The following SCARB1 variants were observed in gnomAD, a reference collection of about 807,000 sequenced individuals.
SCARB1 encodes scavenger receptor class B member 1.
SCARB1 carries 30 observed loss-of-function variants against 57.2 expected under a neutral mutation model. That is an observed-to-expected ratio of 0.52 (90% confidence interval 0.39 to 0.71). The LOEUF is 0.71. Ranked by LOEUF, SCARB1 falls within the 30% of genes least tolerant of loss-of-function variation. The pLI is 0.00. For synonymous variants in SCARB1, 249 were observed against 268.3 expected, an observed-to-expected ratio of 0.93 and a Z score of 0.70; for missense variants, 543 against 671.2, an observed-to-expected ratio of 0.81 and a Z score of 2.11.
intron 1 of SCARB1, among the ~76,000 whole-genome samples, chr12:124,830,819 T>G (rs1268317354): frequency 1.3e-5 from 2 of 152,050 alleles, no homozygotes; most frequent in Non-Finnish European, 2.9e-5. Context: ...CAAAAAAAAT[T>G]TTTTCTTTTT....
At chr12:124,788,153 G>A (rs1949588850) in intron 9 of SCARB1, among the ~76,000 whole-genome samples, 1 of 152,138 alleles carries the variant, frequency 6.6e-6, no homozygotes. Context: ...CATGGGCTGA[G>A]GGAACCAGTG....
At chr12:124,803,757 T>TAGAA (rs1950226447) in intron 7 of SCARB1, among the ~76,000 whole-genome samples, 1 of 148,778 alleles carries the variant, frequency 6.7e-6, no homozygotes, top group Admixed American at 6.7e-5. Context: ...TGGTGGTGTG[T>TAGAA]ACCTGTGCTC....
chr12:124,838,747 G>A (rs1285814718), intron 1 of SCARB1, among the ~76,000 whole-genome samples: 1 of 150,920 alleles, frequency 6.6e-6, no homozygotes, highest in African/African-American at 2.4e-5. Flanking sequence ...ATTTTAATTG[G>A]GGTAAACATA....
At chr12:124,826,819 C>G (rs1449335058) in intron 1 of SCARB1, among the ~76,000 whole-genome samples, 1 of 151,886 alleles carries the variant, frequency 6.6e-6, no homozygotes, top group Non-Finnish European at 1.5e-5. Context: ...AAGAAAGAAA[C>G]AATTGACATG....
intron 1 of SCARB1, among the ~76,000 whole-genome samples, chr12:124,825,289 T>G (rs796651656): frequency 2.0e-5 from 3 of 149,514 alleles, no homozygotes; most frequent in African/African-American, 7.4e-5. Context: ...ACCCACAATC[T>G]GATCACATCT....
intron 1 of SCARB1, chr12:124,821,657 C>T (rs567974441): frequency 1.2e-3 from 564 of 487,770 alleles, no homozygotes; most frequent in Admixed American, 1.7e-3. Flanking sequence ...ATACAATGGG[C>T]GTAAGGAGAG....
At chr12:124,827,175 G>A (rs1421992539) in intron 1 of SCARB1, among the ~76,000 whole-genome samples, 2 of 152,120 alleles carry the variant, frequency 1.3e-5, no homozygotes, top group African/African-American at 4.8e-5. Context: ...TTATTCGGCC[G>A]GGAGCATCGG....
At chr12:124,835,867 G>C (rs1951628877) in intron 1 of SCARB1, among the ~76,000 whole-genome samples, 3 of 152,230 alleles carry the variant, frequency 2.0e-5, no homozygotes, top group Non-Finnish European at 4.4e-5. Flanking sequence ...CAGCCCGCTG[G>C]AGCAAAGCAG....
chr12:124,794,123 C>G (rs906237897), intron 9 of SCARB1, among the ~76,000 whole-genome samples: 1 of 152,064 alleles, frequency 6.6e-6, no homozygotes, highest in Non-Finnish European at 1.5e-5. Flanking sequence ...AGTGGATGAA[C>G]GGTTGCCTGG....
At position 124,829,881 on chromosome 12, in the gene SCARB1, T is replaced by C. The variant is rs189733994; in HGVS notation, c.127-12174A>G. 2.5e-3 allele frequency among the ~76,000 whole-genome samples: 376 copies of C among 152,314 alleles called. 1 individual carries two copies. The highest frequency in any genetic ancestry group is 8.5e-3 in the African/African-American group (353 of 41,572). On this transcript the variant is annotated intron_variant, in intron 1 of 12. Coordinates refer to ENST00000261693, the MANE Select transcript of SCARB1 (RefSeq NM_005505.5). ...CCCCATCACATTATATTCATCACCC[T>C]GTTTTATCTCCCTGACATTATCAAT...
At chr12:124,806,672 A>C (rs1458063733) in intron 7 of SCARB1, among the ~76,000 whole-genome samples, 4 of 152,216 alleles carry the variant, frequency 2.6e-5, no homozygotes, top group South Asian at 2.1e-4. Context: ...AGGCAGGTGG[A>C]TCACTTGAGG....
At chr12:124,779,721 C>T (rs895764704) in intron 12 of SCARB1, among the ~76,000 whole-genome samples, 1 of 151,970 alleles carries the variant, frequency 6.6e-6, no homozygotes. Context: ...CTCCCTTGCC[C>T]TGAGCAACAG....
chr12:124,786,267 G>A (rs533284160), intron 11 of SCARB1, 90 bp downstream of exon 11: 97 of 1,601,058 alleles, frequency 6.1e-5, no homozygotes, highest in South Asian at 4.6e-4. Context: ...TCCAGGCTGC[G>A]GTTGGCCAGA....
intron 11 of SCARB1, chr12:124,785,904 A>G: frequency 1.5e-6 from 1 of 681,862 alleles, no homozygotes; most frequent in Non-Finnish European, 2.4e-6. Flanking sequence ...ATCATGAGTG[A>G]AATTATCTTT....
Position 124,862,920 on chromosome 12 carries a change from A to T in SCARB1, c.126+675T>A, listed in dbSNP as rs114997578. On this transcript the variant is annotated intron_variant, in intron 1 of 12. Transcript: ENST00000261693. ...ACCTAAGGCTGCGTGCACTCAGAGG[A>T]CCTTGGGCTGCTGCCTGCCTCTGCA... Among the ~76,000 whole-genome samples, 3 of 152,168 alleles carry T rather than the reference A, an allele frequency of 2.0e-5. No homozygotes were observed. The East Asian group carries it at 5.8e-4, about 29-fold the overall frequency.
At chr12:124,781,119 C>T (rs1373560763) in intron 12 of SCARB1, among the ~76,000 whole-genome samples, 1 of 152,244 alleles carries the variant, frequency 6.6e-6, no homozygotes, top group Non-Finnish European at 1.5e-5. Flanking sequence ...CCACCCCCTA[C>T]TCCCAGATGG....
chr12:124,823,543 G>T (rs1309882905), intron 1 of SCARB1, among the ~76,000 whole-genome samples: 4 of 152,162 alleles, frequency 2.6e-5, no homozygotes, highest in Non-Finnish European at 5.9e-5. Flanking sequence ...GTGTAACGTG[G>T]AACAGCCACT....
In SCARB1 at chr12:124,818,623, G is replaced by A. The variant is rs868314679; in HGVS notation, c.127-916C>T. Among the ~76,000 whole-genome samples, 102 of 150,508 alleles carry A rather than the reference G, an allele frequency of 6.8e-4. 1 individual carries two copies. Among genetic ancestry groups the A allele is most frequent in the African/African-American group, 2.1e-3 (87 of 40,966 alleles). On this transcript the variant is annotated intron_variant, in intron 1 of 12. Transcript: ENST00000261693. ...TGGGACTACAGGCCCCCACCATCAC[G>A]CCTGGCTAATTTTTGTATTTTTATT...
intron 1 of SCARB1, among the ~76,000 whole-genome samples, chr12:124,830,589 C>T (rs1293319314): frequency 3.3e-5 from 5 of 151,660 alleles, no homozygotes; most frequent in Non-Finnish European, 5.9e-5. Flanking sequence ...AGTGACGTCC[C>T]GGGGAATGGC....
Sources: allele counts gnomAD v4.1 joint callset (sites outside exome capture counted in the v4.1 genomes callset), GRCh38; gene constraint gnomAD v4.1.1; transcripts MANE v1.5; gene names NCBI Gene and HGNC (gene_info 2026-07-23, HGNC 2026-07-21).